The following TCOF1 variants were observed in gnomAD, a reference collection of about 807,000 sequenced individuals.
TCOF1 encodes the protein treacle protein.
Under a neutral mutation model 149.0 loss-of-function variants are expected in TCOF1, and 33 were observed. The ratio of observed to expected loss-of-function variants is 0.22; its 90% CI spans 0.17 to 0.30. TCOF1 has a LOEUF of 0.30. Among genes scored for constraint, TCOF1 ranks in the 10% least tolerant of loss-of-function variants. The pLI is 1.00. For synonymous variants in TCOF1, 789 were observed against 738.8 expected (o/e 1.07, Z -1.10); for missense variants, 1,728 against 1,840.7 (o/e 0.94, Z 1.12).
chr5:150,375,559 G>A lies in TCOF1; in HGVS notation c.1704+5G>A. ...ACAGCTGTGGCCCCGGCTCAGGTGA[G>A]GCCCCTTCCTGTAAGGCTCTTTCTT... On this transcript the variant is annotated splice_donor_5th_base_variant and intron_variant, in intron 11 of 26. Coordinates refer to ENST00000643257, the MANE Select transcript of TCOF1 (RefSeq NM_001371623.1). The A allele has an allele frequency of 6.2e-7, 1 of 1,614,088 alleles. No homozygotes were observed. Among genetic ancestry groups the A allele is most frequent in the Non-Finnish European group, 8.5e-7 (1 of 1,179,938 alleles).
intron 3 of TCOF1, among the ~76,000 whole-genome samples, chr5:150,366,160 G>A (rs976677957): frequency 1.3e-5 from 2 of 150,142 alleles, no homozygotes; most frequent in Non-Finnish European, 3.0e-5. Context: ...TTGGCATCCT[G>A]GGCAACATAG....
In TCOF1 at chr5:150,388,094, C is replaced by T. The variant is rs201532733; in HGVS notation, c.3046+6C>T. ...TACACAGTGCTTGACTCCTGGTGAG[C>T]GCAGCCCTTATGCAGTGGTGGGAGG... On this transcript the variant is annotated splice_donor_region_variant and intron_variant, in intron 18 of 26. Coordinates refer to ENST00000643257, the MANE Select transcript of TCOF1 (RefSeq NM_001371623.1). 2.5e-6 allele frequency: 4 copies of T among 1,612,856 alleles called. No homozygotes were observed. The highest frequency in any genetic ancestry group is 1.3e-5 in the African/African-American group (1 of 74,774).
Position 150,398,390 on chromosome 5 carries a change from A to G in TCOF1, c.4382A>G (p.Lys1461Arg). 1 of 1,613,864 alleles carries G rather than the reference A, an allele frequency of 6.2e-7. No individual in the cohort carries two copies. The highest frequency in any genetic ancestry group is 8.5e-7 in the Non-Finnish European group (1 of 1,179,986). Residue 1461 changes from lysine to arginine, a missense_variant, in exon 25 of 27, where the codon AAA (lysine) becomes AGA (arginine). Physicochemically the swap from Lys to Arg is conservative, Grantham distance 26. Around this residue, in one of 2 missense-constraint regions of TCOF1, gnomAD observed 1,696 missense variants for 1,765.4 expected, o/e 0.96. Transcript: ENST00000643257. Reference protein sequence around the residue: ...KDKEKKEKKKKAKKASTKDSE... With the variant: ...KDKEKKEKKKRAKKASTKDSE... ...AAAGAAAAAAAAGAAAAGAAGAAGA[A>G]AGCAAAAAAGGCCTCAACCAAAGAT... is the stretch of plus-strand genomic sequence containing the variant.
intron 7 of TCOF1, 82 bp downstream of exon 7, chr5:150,372,318 C>A: frequency 1.6e-6 from 2 of 1,255,712 alleles, no homozygotes; most frequent in Non-Finnish European, 2.2e-6. Flanking sequence ...GCACCTCTGC[C>A]ACTGGAGTTG....
chr5:150,372,814 G>A (rs894570373), intron 7 of TCOF1, among the ~76,000 whole-genome samples: 2 of 152,204 alleles, frequency 1.3e-5, no homozygotes, highest in Non-Finnish European at 2.9e-5. Flanking sequence ...GGGGACATAG[G>A]AATGGCAACT....
At chr5:150,376,660 G>A (rs911356488) in intron 14 of TCOF1, 40 bp downstream of exon 14, 27 of 1,545,692 alleles carry the variant, frequency 1.7e-5, no homozygotes, top group Middle Eastern at 2.3e-4. Flanking sequence ...ACCCACACCT[G>A]TTCCTGAGCC....
chr5:150,370,465 C>T (rs1346084901), intron 6 of TCOF1, among the ~76,000 whole-genome samples: 1 of 152,212 alleles, frequency 6.6e-6, no homozygotes, highest in East Asian at 1.9e-4. Context: ...AAGCGATTGT[C>T]GTGCCTCAGC....
chr5:150,388,925 C>G (rs573576782), intron 18 of TCOF1, among the ~76,000 whole-genome samples: 108 of 151,764 alleles, frequency 7.1e-4, no homozygotes, highest in Non-Finnish European at 1.3e-3. Context: ...GAGACTGTCT[C>G]AAAAAAACAG....
Position 150,375,815 on chromosome 5 carries a change from A to G in TCOF1, c.1799A>G (p.Lys600Arg), listed in dbSNP as rs763260407. 2.8e-5 allele frequency: 45 copies of G among 1,614,186 alleles called. No homozygotes were observed. Among genetic ancestry groups the G allele is most frequent in the Non-Finnish European group, 2.8e-5 (33 of 1,179,986 alleles). The change falls in exon 12 of 27, where the codon AAG becomes AGG. Residue 600 changes from lysine to arginine, a missense_variant. Transcript: ENST00000643257. ...QKAGPVAVQV[K>R]AEKPMDNSES... The stretch of plus-strand genomic sequence containing the variant: ...GCAGGGCCTGTAGCCGTCCAGGTCA[A>G]GGCTGAAAAGCCCATGGACAACTCG...
intron 14 of TCOF1, among the ~76,000 whole-genome samples, chr5:150,377,113 C>G (rs1362093706): frequency 6.6e-6 from 1 of 152,164 alleles, no homozygotes; most frequent in African/African-American, 2.4e-5. Flanking sequence ...GAGAGTGTTC[C>G]AGGCAGAGGA....
chr5:150,365,037 A>C (rs1420060351), intron 3 of TCOF1: 1 of 151,858 alleles, frequency 6.6e-6, no homozygotes, highest in Non-Finnish European at 1.5e-5. Context: ...TCTGCTTTTA[A>C]AGTGTTTGAG....
rs551680824 is a variant in TCOF1 at position 150,385,717 on chromosome 5, C to G, written c.2860-2185C>G. Among the ~76,000 whole-genome samples, 41 of 152,276 alleles carry G rather than the reference C, an allele frequency of 2.7e-4. 1 individual carries two copies. In the South Asian group the frequency reaches 6.8e-3, roughly 25 times the overall value. On this transcript the variant is annotated intron_variant, in intron 17 of 26. Transcript: ENST00000643257. ...TTTGACAGGATGGGGTGAGCACTGTCCAGAAAGCCCCTAGGTTTGGTTCTG... is the reference window on the plus strand; with the variant it reads ...TTTGACAGGATGGGGTGAGCACTGTGCAGAAAGCCCCTAGGTTTGGTTCTG...
intron 14 of TCOF1, 54 bp downstream of exon 14, chr5:150,376,674 G>A: frequency 6.5e-7 from 1 of 1,535,862 alleles, no homozygotes; most frequent in Admixed American, 2.0e-5. Flanking sequence ...CTGAGCCAGG[G>A]CTGAGGATGG....
intron 19 of TCOF1, 54 bp from the exon 20 acceptor site, chr5:150,391,490 C>T (rs1168111727): frequency 9.4e-6 from 14 of 1,489,150 alleles, no homozygotes; most frequent in Non-Finnish European, 1.3e-5. Flanking sequence ...GGGTGTGGCA[C>T]AGCTGGCATC....
intron 17 of TCOF1, among the ~76,000 whole-genome samples, chr5:150,387,120 A>G (rs1369639905): frequency 1.3e-5 from 2 of 152,322 alleles, no homozygotes; most frequent in Admixed American, 6.5e-5. Context: ...GGATTTCAGT[A>G]TGCAGCTCTC....
chr5:150,383,592 G>A lies in TCOF1; in HGVS notation c.2859+3860G>A, dbSNP rs1765674242. The A allele has an allele frequency of 1.3e-5, 11 of 864,310 alleles. 1 individual carries two copies. The South Asian group carries it at 1.6e-4, about 12-fold the overall frequency. 53.5% of individuals were successfully genotyped at this position (864,310 alleles called of 1,614,324 possible). A position where few individuals can be genotyped will look rare whatever the true frequency, so the allele number is the denominator to read the frequency against. Reference sequence around the variant, plus strand: ...AGGGTGCCTGTTAACTGTGAGAAGGGCAGGGAGTGTTGCCCCATTTGACAG... The same window carrying A: ...AGGGTGCCTGTTAACTGTGAGAAGGACAGGGAGTGTTGCCCCATTTGACAG... On this transcript the variant is annotated intron_variant, in intron 17 of 26. Coordinates refer to ENST00000643257, the MANE Select transcript of TCOF1 (RefSeq NM_001371623.1).
At position 150,374,700 on chromosome 5, in the gene TCOF1, G is replaced by T. The variant is rs759220649; in HGVS notation, c.1167G>T (p.Ala389=). 6.2e-7 allele frequency: 1 copy of T among 1,601,482 alleles called. No homozygotes were observed. Among genetic ancestry groups the T allele is most frequent in the Non-Finnish European group, 8.5e-7 (1 of 1,174,822 alleles). ...CCCCCAGGAAAGGAGCTGCCCCAGC[G>T]CCCCCTGGGAAGACAGGGCCTGCAG... ...KESPRKGAAP[A]PPGKTGPAVA... The change falls in exon 9 of 27, where the codon GCG becomes GCT. Residue 389 remains alanine (A), a synonymous_variant. Transcript: ENST00000643257.
Position 150,393,051 on chromosome 5 carries a change from G to A in TCOF1, c.3603+261G>A, listed in dbSNP as rs138662400. ...TTGACCTTGATTCTGGGTGATGTCC[G>A]GACAAAAACATTCTTTAGCAGATTT... On this transcript the variant is annotated intron_variant, in intron 22 of 26. Coordinates refer to ENST00000643257, the MANE Select transcript of TCOF1 (RefSeq NM_001371623.1). 3.2e-4 allele frequency: 190 copies of A among 592,834 alleles called. 1 individual carries two copies. The highest frequency in any genetic ancestry group is 2.9e-3 in the African/African-American group (155 of 53,824). The allele number at this position is 592,834 out of a possible 1,614,324, so 36.7% of individuals were successfully genotyped here.
intron 2 of TCOF1, 35 bp downstream of exon 2, chr5:150,361,246 G>C (rs1346901948): frequency 1.9e-6 from 3 of 1,611,822 alleles, no homozygotes; most frequent in Non-Finnish European, 2.5e-6. Context: ...GAGTAGGGAC[G>C]GACACCCCAA....
Sources: allele counts gnomAD v4.1 joint callset (sites outside exome capture counted in the v4.1 genomes callset), GRCh38; gene constraint gnomAD v4.1.1; regional missense constraint gnomAD v4.1.1; transcripts MANE v1.5; gene names NCBI Gene and HGNC (gene_info 2026-07-23, HGNC 2026-07-21).